RAB3C: variants seen among roughly 807,000 people sequenced by gnomAD.
RAB3C encodes ras-related protein Rab-3C.
A neutral mutation model predicts 26.4 loss-of-function variants in RAB3C; 17 were observed. The observed-to-expected ratio is 0.64, with a 90% CI of 0.44 to 0.97. The LOEUF (loss-of-function observed/expected upper bound fraction) is 0.97, where lower values mean the gene tolerates loss of function less well. RAB3C is among the 50% of genes least tolerant of loss of function. RAB3C has a pLI of 0.00. For synonymous variants in RAB3C, 91 were observed against 95.9 expected, an observed-to-expected ratio of 0.95 and a Z score of 0.30; for missense variants, 242 against 281.9, an observed-to-expected ratio of 0.86 and a Z score of 1.01.
intron 4 of RAB3C, among the ~76,000 whole-genome samples, chr5:58,830,604 C>G (rs1743591516): frequency 6.6e-6 from 1 of 152,198 alleles, no homozygotes; most frequent in African/African-American, 2.4e-5. Context: ...CTAAGATTCT[C>G]TGATTCACTC....
chr5:58,605,295 G>C (rs1579812276), intron 1 of RAB3C, among the ~76,000 whole-genome samples: 1 of 152,150 alleles, frequency 6.6e-6, no homozygotes, highest in Non-Finnish European at 1.5e-5. Flanking sequence ...ACACTGCTCT[G>C]TACAGGTGCA....
intron 3 of RAB3C, among the ~76,000 whole-genome samples, chr5:58,749,698 A>G (rs1324946045): frequency 6.6e-6 from 1 of 152,188 alleles, no homozygotes; most frequent in Non-Finnish European, 1.5e-5. Flanking sequence ...TCATATTAAA[A>G]TTTGTCATAT....
intron 2 of RAB3C, among the ~76,000 whole-genome samples, chr5:58,693,330 ATATG>A (rs1554048058): frequency 9.9e-6 from 1 of 100,908 alleles, no homozygotes. Flanking sequence ...AATTATATAT[ATATG>A]TGTATATATA....
At position 58,798,850 on chromosome 5, in the gene RAB3C, A is replaced by G. The variant is rs565962854; in HGVS notation, c.372-26188A>G. ...AATGTTTAACCTGAATCCAGTTGTG[A>G]GGAAACAGACAAATTCAGATTTGGG... On this transcript the variant is annotated intron_variant, in intron 3 of 4. Transcript: ENST00000282878. Among the ~76,000 whole-genome samples the G allele has an allele frequency of 1.9e-3, 283 of 152,338 alleles. 1 individual carries two copies. Among genetic ancestry groups the G allele is most frequent in the Non-Finnish European group, 3.7e-3 (255 of 68,024 alleles).
chr5:58,805,968 T>C lies in RAB3C; in HGVS notation c.372-19070T>C, dbSNP rs530279344. The stretch of plus-strand genomic sequence containing the variant: ...AATGGGTATCTAGCACCCTTCTTTT[T>C]GTTTTTCTGTTCCTTTAAGCATTCT... On this transcript the variant is annotated intron_variant, in intron 3 of 4. Transcript: ENST00000282878. Among the ~76,000 whole-genome samples the C allele has an allele frequency of 8.2e-4, 125 of 152,232 alleles. 1 individual carries two copies. The highest frequency in any genetic ancestry group is 2.7e-3 in the African/African-American group (114 of 41,578).
chr5:58,798,093 C>T (rs199542055), intron 3 of RAB3C, among the ~76,000 whole-genome samples: 1 of 41,110 alleles, frequency 2.4e-5, no homozygotes, highest in Non-Finnish European at 9.0e-5. Context: ...ACATACTTGG[C>T]GGGGGGGCCT....
intron 2 of RAB3C, among the ~76,000 whole-genome samples, chr5:58,693,362 A>ATAT (rs1748620721): frequency 4.2e-5 from 6 of 143,708 alleles, no homozygotes; most frequent in African/African-American, 1.6e-4. Flanking sequence ...ATATATATAT[A>ATAT]AAATTTCTTA....
intron 2 of RAB3C, among the ~76,000 whole-genome samples, chr5:58,710,053 T>C (rs1324604763): frequency 1.3e-5 from 2 of 152,142 alleles, no homozygotes; most frequent in African/African-American, 4.8e-5. Context: ...CTGAGTGTCA[T>C]CATTTCCCAA....
intron 2 of RAB3C, among the ~76,000 whole-genome samples, chr5:58,712,567 C>T (rs1397767982): frequency 2.6e-5 from 4 of 152,158 alleles, no homozygotes; most frequent in Admixed American, 2.6e-4. Context: ...CTCTATCACC[C>T]AGGCTGGAGT....
intron 4 of RAB3C, among the ~76,000 whole-genome samples, chr5:58,826,929 C>T (rs1743494380): frequency 6.6e-6 from 1 of 152,164 alleles, no homozygotes; most frequent in Non-Finnish European, 1.5e-5. Context: ...GAAAGTTTGA[C>T]CATTTCTCAT....
At chr5:58,826,744 T>C in intron 4 of RAB3C, among the ~76,000 whole-genome samples, 1 of 152,186 alleles carries the variant, frequency 6.6e-6, no homozygotes, top group Non-Finnish European at 1.5e-5. Context: ...ACTAAGTTGA[T>C]CCCCAGAAGC....
At position 58,585,720 on chromosome 5, in the gene RAB3C, A is replaced by T. The variant is rs565675697; in HGVS notation, c.24+2488A>T. On this transcript the variant is annotated intron_variant, in intron 1 of 4. Transcript: ENST00000282878. Reference sequence around the variant, plus strand: ...AGTTGATGTTCTGTTCGAGGTAGTTATCTTTGATATGTGCCTATTTTATGA... The same window carrying T: ...AGTTGATGTTCTGTTCGAGGTAGTTTTCTTTGATATGTGCCTATTTTATGA... Among the ~76,000 whole-genome samples the T allele has an allele frequency of 8.7e-4, 132 of 152,234 alleles. 2 individuals carry two copies. The South Asian group carries it at 0.027, about 31-fold the overall frequency.
intron 3 of RAB3C, among the ~76,000 whole-genome samples, chr5:58,815,023 C>T (rs1300417094): frequency 6.6e-6 from 1 of 152,100 alleles, no homozygotes; most frequent in Admixed American, 6.6e-5. Flanking sequence ...TCAAACAGAT[C>T]CTTCCAGAAC....
intron 2 of RAB3C, among the ~76,000 whole-genome samples, chr5:58,635,633 C>T (rs761321516): frequency 3.3e-5 from 5 of 152,204 alleles, no homozygotes; most frequent in Non-Finnish European, 5.9e-5. Flanking sequence ...AGGGTTTGTA[C>T]ATCGTCAGAT....
chr5:58,732,925 T>C (rs2111932372), intron 3 of RAB3C, among the ~76,000 whole-genome samples: 1 of 152,300 alleles, frequency 6.6e-6, no homozygotes, highest in Admixed American at 6.5e-5. Flanking sequence ...ACAAACCATA[T>C]TCCTTCAACC....
chr5:58,671,931 A>G (rs1054621353), intron 2 of RAB3C, among the ~76,000 whole-genome samples: 1 of 152,196 alleles, frequency 6.6e-6, no homozygotes, highest in Non-Finnish European at 1.5e-5. Context: ...CATGATACAT[A>G]AGAAAAGTTC....
chr5:58,659,591 T>C (rs1375269552), intron 2 of RAB3C, among the ~76,000 whole-genome samples: 2 of 152,244 alleles, frequency 1.3e-5, no homozygotes, highest in African/African-American at 4.8e-5. Context: ...GTTATGCTCT[T>C]GTGTTTATAC....
intron 2 of RAB3C, among the ~76,000 whole-genome samples, chr5:58,639,376 G>T (rs1327211874): frequency 1.3e-5 from 2 of 152,098 alleles, no homozygotes; most frequent in Non-Finnish European, 2.9e-5. Flanking sequence ...CTATAAACAA[G>T]TTGCTCAAAC....
At chr5:58,820,886 C>A (rs1025955509) in intron 3 of RAB3C, among the ~76,000 whole-genome samples, 8 of 152,094 alleles carry the variant, frequency 5.3e-5, no homozygotes, top group African/African-American at 1.9e-4. Flanking sequence ...TTACAGCAGC[C>A]TGAGACCCCA....
Sources: gnomAD v4.1 joint callset for allele counts (sites outside exome capture counted in the v4.1 genomes callset) on GRCh38, gnomAD v4.1.1 for gene constraint, MANE v1.5 for transcripts, NCBI Gene and HGNC (gene_info 2026-07-23, HGNC 2026-07-21) for gene names.